Variants in PDS5A observed in about 807,000 individuals in gnomAD.
The protein encoded by PDS5A is sister chromatid cohesion protein PDS5 homolog A.
In PDS5A, 42 loss-of-function variants were observed where a neutral mutation model predicts 167.1. The observed-to-expected ratio is 0.25, with a 90% CI of 0.20 to 0.33. PDS5A has a LOEUF of 0.33. PDS5A is among the 10% of genes least tolerant of loss of function. PDS5A has a pLI of 1.00. For synonymous variants in PDS5A, 553 were observed against 554.6 expected, an observed-to-expected ratio of 1.00 and a Z score of 0.04; for missense variants, 1,033 against 1,605.9, an observed-to-expected ratio of 0.64 and a Z score of 6.10.
chr4:39,895,490 C>A (rs1240449343), intron 16 of PDS5A, among the ~76,000 whole-genome samples: 1 of 152,044 alleles, frequency 6.6e-6, no homozygotes, highest in Admixed American at 6.5e-5. Flanking sequence ...ACATATAGAG[C>A]ACTTACCATA....
chr4:39,890,828 G>C (rs549906877), intron 16 of PDS5A, among the ~76,000 whole-genome samples: 2 of 152,134 alleles, frequency 1.3e-5, no homozygotes, highest in East Asian at 3.9e-4. Flanking sequence ...TGTTGGCCAG[G>C]CTGGTCTTGA....
Position 39,922,730 on chromosome 4 carries a change from C to T in PDS5A, c.546G>A (p.Lys182=). 1.3e-6 allele frequency: 2 copies of T among 1,511,134 alleles called. No homozygotes were observed. The highest frequency in any genetic ancestry group is 8.8e-7 in the Non-Finnish European group (1 of 1,131,794). The allele number at this position is 1,511,134 out of a possible 1,614,324, so 93.6% of individuals were successfully genotyped here. ...TCAAATCTAGCATGTGCATTTGTAC[C>T]TTCTTATTGTGGCTATTGCTATAAA... ...FSVINNSHNK[K]VQMHMLDLMS... is the part of the protein sequence containing the mutation. The change falls in exon 6 of 33, where the codon AAG becomes AAA. Residue 182 remains lysine, a synonymous_variant. Transcript: ENST00000303538.
intron 6 of PDS5A, among the ~76,000 whole-genome samples, chr4:39,921,151 C>T (rs1336360049): frequency 2.6e-5 from 4 of 152,078 alleles, no homozygotes; most frequent in African/African-American, 9.7e-5. Context: ...CTATGAAGGG[C>T]CACATGGTAA....
chr4:39,883,782 C>T (rs1245862474), intron 17 of PDS5A, among the ~76,000 whole-genome samples: 2 of 152,048 alleles, frequency 1.3e-5, no homozygotes, highest in Non-Finnish European at 2.9e-5. Context: ...AGGCGCATGC[C>T]ATGGTATCCT....
intron 2 of PDS5A, among the ~76,000 whole-genome samples, chr4:39,955,583 A>G (rs141926837): frequency 6.6e-6 from 1 of 152,156 alleles, no homozygotes; most frequent in Non-Finnish European, 1.5e-5. Flanking sequence ...CCCGGGTGAC[A>G]GAGCGAGACT....
intron 12 of PDS5A, 34 bp from the exon 13 acceptor site, chr4:39,902,494 G>T: frequency 2.0e-6 from 2 of 1,015,674 alleles, no homozygotes; most frequent in African/African-American, 1.7e-5. Flanking sequence ...AAACCTAAGT[G>T]ACACAATTAT....
intron 26 of PDS5A, among the ~76,000 whole-genome samples, chr4:39,855,107 A>T (rs1190753615): frequency 6.6e-6 from 1 of 152,190 alleles, no homozygotes; most frequent in Non-Finnish European, 1.5e-5. Context: ...AGCTGGAAAA[A>T]AACAATCATA....
At chr4:39,832,329 T>A (rs1384835670) in intron 32 of PDS5A, among the ~76,000 whole-genome samples, 2 of 151,608 alleles carry the variant, frequency 1.3e-5, no homozygotes, top group Non-Finnish European at 2.9e-5. Flanking sequence ...TTCTCCTGCC[T>A]CAGCCTCCCG....
intron 19 of PDS5A, among the ~76,000 whole-genome samples, chr4:39,875,766 GT>G (rs551215591): frequency 1.2e-3 from 190 of 152,224 alleles, no homozygotes; most frequent in African/African-American, 4.2e-3. Flanking sequence ...TCTCCTATCT[GT>G]TTAGTCTTTC....
intron 2 of PDS5A, among the ~76,000 whole-genome samples, chr4:39,935,002 G>A (rs1726455713): frequency 6.6e-6 from 1 of 151,874 alleles, no homozygotes; most frequent in African/African-American, 2.4e-5. Flanking sequence ...AAATTTAATT[G>A]ATGAAGGATT....
chr4:39,893,073 G>A (rs183880280), intron 16 of PDS5A, among the ~76,000 whole-genome samples: 2 of 152,290 alleles, frequency 1.3e-5, no homozygotes, highest in East Asian at 1.9e-4. Flanking sequence ...GGTAGTAAAC[G>A]ATATTCAAAC....
chr4:39,913,320 C>A (rs1724062575), intron 9 of PDS5A, among the ~76,000 whole-genome samples: 1 of 152,054 alleles, frequency 6.6e-6, no homozygotes, highest in African/African-American at 2.4e-5. Context: ...CTCAAGTGAT[C>A]CGCCCACCTC....
At chr4:39,896,945 A>G (rs1009357792) in intron 16 of PDS5A, among the ~76,000 whole-genome samples, 2 of 151,420 alleles carry the variant, frequency 1.3e-5, no homozygotes, top group African/African-American at 4.9e-5. Flanking sequence ...ATACATGTGC[A>G]CAATGTGCAG....
chr4:39,897,800 C>T (rs771817689), intron 16 of PDS5A, among the ~76,000 whole-genome samples: 2 of 151,044 alleles, frequency 1.3e-5, no homozygotes, highest in East Asian at 1.9e-4. Flanking sequence ...AGGACTTTAA[C>T]GCTGTAGTGA....
At chr4:39,897,527 T>G (rs1578693505) in intron 16 of PDS5A, among the ~76,000 whole-genome samples, 1 of 152,166 alleles carries the variant, frequency 6.6e-6, no homozygotes, top group East Asian at 1.9e-4. Context: ...GCCTCTTGAG[T>G]AGCTCAGATT....
At chr4:39,855,887 G>A (rs912631888) in intron 26 of PDS5A, among the ~76,000 whole-genome samples, 3 of 152,048 alleles carry the variant, frequency 2.0e-5, no homozygotes, top group Non-Finnish European at 4.4e-5. Flanking sequence ...ATTTCCAAAC[G>A]GAAAGACAGA....
intron 2 of PDS5A, among the ~76,000 whole-genome samples, chr4:39,946,877 C>T (rs1727822616): frequency 6.6e-6 from 1 of 152,142 alleles, no homozygotes; most frequent in Admixed American, 6.6e-5. Flanking sequence ...TGCACCACTG[C>T]ACTCCAGCCT....
In PDS5A at chr4:39,949,892, C is replaced by T. The variant is rs141168616; in HGVS notation, c.139-21728G>A. Among the ~76,000 whole-genome samples the T allele has an allele frequency of 2.4e-3, 356 of 147,722 alleles. 5 individuals are homozygous for T. Among genetic ancestry groups the T allele is most frequent in the East Asian group, 2.1e-3 (10 of 4,800 alleles). ...ATCACTGCAAGCATTTGTGATGATA[C>T]TAAAAACAACCATACATTTTATTTT... On this transcript the variant is annotated intron_variant, in intron 2 of 32. Transcript: ENST00000303538.
At chr4:39,937,033 C>T (rs1035015919) in intron 2 of PDS5A, among the ~76,000 whole-genome samples, 1 of 152,112 alleles carries the variant, frequency 6.6e-6, no homozygotes, top group African/African-American at 2.4e-5. Flanking sequence ...TGTAATCCTC[C>T]CAGCATATCA....
Sources: gnomAD v4.1 joint callset for allele counts (sites outside exome capture counted in the v4.1 genomes callset) on GRCh38, gnomAD v4.1.1 for gene constraint, MANE v1.5 for transcripts, NCBI Gene and HGNC (gene_info 2026-07-23, HGNC 2026-07-21) for gene names.